Variants in STAT4 observed in about 807,000 individuals in gnomAD.
STAT4 encodes the protein signal transducer and activator of transcription 4.
STAT4 carries 42 observed loss-of-function variants against 110.5 expected under a neutral mutation model. The ratio of observed to expected loss-of-function variants is 0.38; its 90% CI spans 0.30 to 0.49. The LOEUF is 0.49. Among genes scored for constraint, STAT4 ranks in the 20% least tolerant of loss-of-function variants. The pLI is 0.95. For synonymous variants in STAT4, 284 were observed against 302.2 expected (o/e 0.94, Z 0.63); for missense variants, 632 against 887.9 (o/e 0.71, Z 3.66).
chr2:191,123,699 A>C (rs1698799479), intron 3 of STAT4, among the ~76,000 whole-genome samples: 1 of 152,248 alleles, frequency 6.6e-6, no homozygotes, highest in African/African-American at 2.4e-5. Flanking sequence ...TAAAGTGTTG[A>C]ATATCTCACA....
Position 191,030,811 on chromosome 2 carries a change from C to T in STAT4, c.2220+161G>A, listed in dbSNP as rs533158463. On this transcript the variant is annotated intron_variant, in intron 23 of 23. Transcript: ENST00000392320. This position sits in a 1 kb window ranked among gnomAD's most constrained non-coding sequence, Gnocchi z 4.4. ...TTCAATACGCATAATATCAGCAACA[C>T]GCAGGACCATCCAGACACCTTTTGT... is the stretch of plus-strand genomic sequence containing the variant. 31 of 621,538 alleles carry T rather than the reference C, an allele frequency of 5.0e-5. No individual in the cohort carries two copies. The highest frequency in any genetic ancestry group is 7.6e-5 in the South Asian group (4 of 52,656). The allele number at this position is 621,538 out of a possible 1,614,324, so 38.5% of individuals were successfully genotyped here.
chr2:191,067,900 C>T (rs1057293900), intron 6 of STAT4, among the ~76,000 whole-genome samples: 2 of 152,080 alleles, frequency 1.3e-5, no homozygotes, highest in Non-Finnish European at 2.9e-5. Context: ...AAAAGAGGCC[C>T]CAGAACAACA....
At chr2:191,109,622 T>C (rs996437247) in intron 3 of STAT4, among the ~76,000 whole-genome samples, 20 of 152,216 alleles carry the variant, frequency 1.3e-4, no homozygotes, top group African/African-American at 4.8e-4. Context: ...TCAAAGCCCC[T>C]CCAGAAGGCT....
In STAT4 at chr2:191,053,068, A is replaced by G. The variant is rs1696578826; in HGVS notation, c.1251+1422T>C. ...AAGAATTCTTGGAGGGCAAAATGGTAGGGCATTAAATCTTTTGTGATGGAT... is the reference window on the plus strand; with the variant it reads ...AAGAATTCTTGGAGGGCAAAATGGTGGGGCATTAAATCTTTTGTGATGGAT... On this transcript the variant is annotated intron_variant, in intron 14 of 23. Transcript: ENST00000392320. This position sits in a 1 kb window ranked among gnomAD's most constrained non-coding sequence, Gnocchi z 4.5. Among the ~76,000 whole-genome samples, 1 of 152,196 alleles carries G rather than the reference A, an allele frequency of 6.6e-6. No homozygotes were observed. The highest frequency in any genetic ancestry group is 2.4e-5 in the African/African-American group (1 of 41,458).
At position 191,066,622 on chromosome 2, in the gene STAT4, A is replaced by C. The variant is rs1332988824; in HGVS notation, c.545-107T>G. The C allele has an allele frequency of 7.2e-6, 7 of 971,412 alleles. No individual in the cohort carries two copies. Among genetic ancestry groups the C allele is most frequent in the Non-Finnish European group, 1.1e-5 (7 of 641,310 alleles). The allele number at this position is 971,412 out of a possible 1,614,324, so 60.2% of individuals were successfully genotyped here. On this transcript the variant is annotated intron_variant, in intron 6 of 23. Transcript: ENST00000392320. The surrounding 1 kb of genome is among the most constrained non-coding windows in gnomAD (Gnocchi z 4.3). ...CCCTGGCCCGGAGAACTTATGTGGT[A>C]AGAGACTAATTGGGTTCACTAGAGG...
intron 8 of STAT4, among the ~76,000 whole-genome samples, chr2:191,064,335 C>T (rs548352141): frequency 6.6e-6 from 1 of 152,292 alleles, no homozygotes; most frequent in African/African-American, 2.4e-5. Context: ...TTGTTATTAA[C>T]TACAGTCACC....
chr2:191,033,929 A>C lies in STAT4; in HGVS notation c.1697T>G (p.Leu566Arg), dbSNP rs760189410. The C allele has an allele frequency of 1.2e-6, 2 of 1,610,938 alleles. No individual in the cohort carries two copies. The highest frequency in any genetic ancestry group is 8.5e-7 in the Non-Finnish European group (1 of 1,178,760). Reference sequence around the variant, plus strand: ...AACTTACCCATCAATCCAAAGGGGAAGAATGTGTTTCTTAATTAGATCCAA... The same window carrying C: ...AACTTACCCATCAATCCAAAGGGGACGAATGTGTTTCTTAATTAGATCCAA... Reference protein sequence around the residue: ...AILDLIKKHILPLWIDGYVMG... With the variant: ...AILDLIKKHIRPLWIDGYVMG... Residue 566 changes from leucine to arginine, a missense_variant, in exon 19 of 24, where the codon CTT (leucine) becomes CGT (arginine). By Grantham distance (102) the Leu-to-Arg change is moderately radical (BLOSUM62 -2). Transcript: ENST00000392320. This position sits in a 1 kb window ranked among gnomAD's most constrained non-coding sequence, Gnocchi z 6.9.
Position 191,031,298 on chromosome 2 carries a change from G to T in STAT4, c.2111+152C>A. ...TTAGGCACAATAGATTGTGGTAAGT[G>T]TGCCCTGAAGGCTAGCCTTATGTAT... On this transcript the variant is annotated intron_variant, in intron 22 of 23. Coordinates refer to ENST00000392320, the MANE Select transcript of STAT4 (RefSeq NM_003151.4). The surrounding 1 kb of genome is among the most constrained non-coding windows in gnomAD (Gnocchi z 4.8). 2 of 925,676 alleles carry T rather than the reference G, an allele frequency of 2.2e-6. No homozygotes were observed. The highest frequency in any genetic ancestry group is 3.2e-6 in the Non-Finnish European group (2 of 620,628). The allele number at this position is 925,676 out of a possible 1,614,324, so 57.3% of individuals were successfully genotyped here.
intron 3 of STAT4, among the ~76,000 whole-genome samples, chr2:191,085,667 T>C (rs2125295498): frequency 6.6e-6 from 1 of 152,236 alleles, no homozygotes; most frequent in African/African-American, 2.4e-5. Flanking sequence ...TGGTTCAAAG[T>C]CATCTCAGGA....
chr2:191,102,398 A>G (rs746877020), intron 3 of STAT4, among the ~76,000 whole-genome samples: 1 of 152,152 alleles, frequency 6.6e-6, no homozygotes, highest in Non-Finnish European at 1.5e-5. Flanking sequence ...AGGTATTTAT[A>G]TAGTTGTTCA....
Position 191,077,932 on chromosome 2 carries a change from C to T in STAT4, c.274-1607G>A, listed in dbSNP as rs6720458. ...GATCCTATTTATGAAGCGGGGATAC[C>T]ATTTTTTCCATTTCCGTGTGTCGAC... is the stretch of plus-strand genomic sequence containing the variant. On this transcript the variant is annotated intron_variant, in intron 3 of 23. Coordinates refer to ENST00000392320, the MANE Select transcript of STAT4 (RefSeq NM_003151.4). The surrounding 1 kb of genome is among the most constrained non-coding windows in gnomAD (Gnocchi z 4.1). Among the ~76,000 whole-genome samples the T allele has an allele frequency of 6.7e-3, 1,015 of 152,022 alleles. 10 individuals carry two copies. The highest frequency in any genetic ancestry group is 0.023 in the African/African-American group (949 of 41,472).
At position 191,061,840 on chromosome 2, in the gene STAT4, A is replaced by C; in HGVS notation, c.942-19T>G. ...AAATGAGCTAGATGAAAAGGAAATAAAGCGCATCATTTGAAAACACTGAAA... is the reference window on the plus strand; with the variant it reads ...AAATGAGCTAGATGAAAAGGAAATACAGCGCATCATTTGAAAACACTGAAA... On this transcript the variant is annotated intron_variant, in intron 9 of 23. Transcript: ENST00000392320. The surrounding 1 kb of genome is among the most constrained non-coding windows in gnomAD (Gnocchi z 6.2). The C allele has an allele frequency of 6.2e-7, 1 of 1,607,476 alleles. No individual in the cohort carries two copies. Among genetic ancestry groups the C allele is most frequent in the Non-Finnish European group, 8.5e-7 (1 of 1,175,942 alleles).
chr2:191,090,898 A>G lies in STAT4; in HGVS notation c.274-14573T>C, dbSNP rs998728342. Reference sequence around the variant, plus strand: ...GAGCCACCATACCCGGCCTTAAACTACTTCTTAAAGGTATCAAGTATGTCT... The same window carrying G: ...GAGCCACCATACCCGGCCTTAAACTGCTTCTTAAAGGTATCAAGTATGTCT... On this transcript the variant is annotated intron_variant, in intron 3 of 23. Coordinates refer to ENST00000392320, the MANE Select transcript of STAT4 (RefSeq NM_003151.4). This position sits in a 1 kb window ranked among gnomAD's most constrained non-coding sequence, Gnocchi z 4.2. Among the ~76,000 whole-genome samples the G allele has an allele frequency of 2.0e-5, 3 of 152,032 alleles. No homozygotes were observed. The highest frequency in any genetic ancestry group is 7.2e-5 in the African/African-American group (3 of 41,384).
chr2:191,067,214 T>C (rs960292029), intron 6 of STAT4, among the ~76,000 whole-genome samples: 3 of 152,106 alleles, frequency 2.0e-5, no homozygotes, highest in East Asian at 1.9e-4. Context: ...AATTTGAACA[T>C]TAAACTTTAT....
In STAT4 at chr2:191,061,674, T is replaced by C. The variant is rs1241537034; in HGVS notation, c.1034+55A>G. ...CAATGAGAGAAATTGGCCTTGATCA[T>C]CCAGAGACTATAGCTCCACAAACAC... On this transcript the variant is annotated intron_variant, in intron 10 of 23. Transcript: ENST00000392320. The surrounding 1 kb of genome is among the most constrained non-coding windows in gnomAD (Gnocchi z 6.2). The C allele has an allele frequency of 6.5e-7, 1 of 1,532,096 alleles. No individual in the cohort carries two copies. The highest frequency in any genetic ancestry group is 1.4e-5 in the African/African-American group (1 of 73,146). The allele number at this position is 1,532,096 out of a possible 1,614,324, so 94.9% of individuals were successfully genotyped here. A position where few individuals can be genotyped will look rare whatever the true frequency, so the allele number is the denominator to read the frequency against.
At chr2:191,097,814 C>T (rs1379022133) in intron 3 of STAT4, among the ~76,000 whole-genome samples, 1 of 152,114 alleles carries the variant, frequency 6.6e-6, no homozygotes, top group Non-Finnish European at 1.5e-5. Context: ...AAAGACACTA[C>T]CATCAGAGTG....
In STAT4 at chr2:191,061,663, G is replaced by A; in HGVS notation, c.1034+66C>T. 2.9e-6 allele frequency: 4 copies of A among 1,393,852 alleles called. No individual in the cohort carries two copies. Among genetic ancestry groups the A allele is most frequent in the Non-Finnish European group, 4.1e-6 (4 of 980,200 alleles). The allele number at this position is 1,393,852 out of a possible 1,614,324, so 86.3% of individuals were successfully genotyped here. A position where few individuals can be genotyped will look rare whatever the true frequency, so the allele number is the denominator to read the frequency against. On this transcript the variant is annotated intron_variant, in intron 10 of 23. Coordinates refer to ENST00000392320, the MANE Select transcript of STAT4 (RefSeq NM_003151.4). This position sits in a 1 kb window ranked among gnomAD's most constrained non-coding sequence, Gnocchi z 6.2. ...AATGCAAGCCACAATGAGAGAAATT[G>A]GCCTTGATCATCCAGAGACTATAGC... is the stretch of plus-strand genomic sequence containing the variant.
chr2:191,118,220 T>C (rs1036380177), intron 3 of STAT4, among the ~76,000 whole-genome samples: 2 of 152,202 alleles, frequency 1.3e-5, no homozygotes, highest in Non-Finnish European at 2.9e-5. Flanking sequence ...CTTTTAGAAA[T>C]TTATCCTAAG....
rs977506186 is a variant in STAT4, at chr2:191,051,120, C to T, written c.1251+3370G>A. ...ACATGAAATCCCATAAAGGGGCATACACAAATGGTGACCTGAGGTTTCAAG... is the reference window on the plus strand; with the variant it reads ...ACATGAAATCCCATAAAGGGGCATATACAAATGGTGACCTGAGGTTTCAAG... On this transcript the variant is annotated intron_variant, in intron 14 of 23. Transcript: ENST00000392320. This position sits in a 1 kb window ranked among gnomAD's most constrained non-coding sequence, Gnocchi z 5.6. 2.6e-5 allele frequency among the ~76,000 whole-genome samples: 4 copies of T among 152,110 alleles called. No individual in the cohort carries two copies. The highest frequency in any genetic ancestry group is 5.9e-5 in the Non-Finnish European group (4 of 68,038).
Sources: gnomAD v4.1 joint callset for allele counts (sites outside exome capture counted in the v4.1 genomes callset) on GRCh38, gnomAD v4.1.1 for gene constraint, Gnocchi (gnomAD v3.1) non-coding constraint, MANE v1.5 for transcripts, NCBI Gene and HGNC (gene_info 2026-07-23, HGNC 2026-07-21) for gene names.